Variants in CCDC60 observed in about 807,000 individuals in gnomAD.
The protein encoded by CCDC60 is coiled-coil domain-containing protein 60.
CCDC60 carries 54 observed loss-of-function variants against 63.5 expected under a neutral mutation model. That is an observed-to-expected ratio of 0.85 (90% CI 0.68 to 1.07). The LOEUF (loss-of-function observed/expected upper bound fraction) is 1.07. Ranked by LOEUF, CCDC60 falls within the 50% of genes least tolerant of loss-of-function variation. The pLI is 0.00. For missense variants in CCDC60, 651 were observed against 684.3 expected, an observed-to-expected ratio of 0.95 and a Z score of 0.54; for synonymous variants, 206 against 238.8, an observed-to-expected ratio of 0.86 and a Z score of 1.27.
At chr12:119,482,159 TAC>T (rs142480132) in intron 4 of CCDC60, among the ~76,000 whole-genome samples, 28 of 145,284 alleles carry the variant, frequency 1.9e-4, no homozygotes, top group African/African-American at 2.3e-4. Flanking sequence ...CACACACACA[TAC>T]ACACACACAC....
intron 2 of CCDC60, among the ~76,000 whole-genome samples, chr12:119,469,729 T>TA (rs1951020558): frequency 6.6e-6 from 1 of 152,208 alleles, no homozygotes; most frequent in East Asian, 1.9e-4. Flanking sequence ...AACTGCCACG[T>TA]AGCTGGCAGT....
chr12:119,417,118 C>T (rs1469792635), intron 1 of CCDC60, among the ~76,000 whole-genome samples: 1 of 151,918 alleles, frequency 6.6e-6, no homozygotes, highest in East Asian at 1.9e-4. Flanking sequence ...GAAACTCTGT[C>T]TAAAAAAAAG....
intron 1 of CCDC60, among the ~76,000 whole-genome samples, chr12:119,394,583 A>G (rs557105978): frequency 2.0e-5 from 3 of 152,292 alleles, no homozygotes; most frequent in African/African-American, 7.2e-5. Flanking sequence ...TGCACAGAAA[A>G]CAGTAATTCT....
chr12:119,389,482 G>A (rs1301674903), intron 1 of CCDC60, among the ~76,000 whole-genome samples: 1 of 152,036 alleles, frequency 6.6e-6, no homozygotes, highest in Non-Finnish European at 1.5e-5. Flanking sequence ...CCCCTGTGGT[G>A]CCAGCAGGGT....
At position 119,334,968 on chromosome 12, in the gene CCDC60, C is replaced by T. The variant is rs548236506; in HGVS notation, c.-209C>T. On this transcript the variant is annotated 5_prime_UTR_variant, in exon 1 of 14. Transcript: ENST00000327554. ...TAAGTCCAGGCTTGCCTGATTCTGC[C>T]CTACCCGGACTTCCTTATCCCGTCT... The T allele has an allele frequency of 2.2e-6, 1 of 452,862 alleles. No individual in the cohort carries two copies. The highest frequency in any genetic ancestry group is 3.9e-6 in the Non-Finnish European group (1 of 256,848). The allele number at this position is 452,862 out of a possible 1,614,324, so 28.1% of individuals were successfully genotyped here. A position where few individuals can be genotyped will look rare whatever the true frequency, so the allele number is the denominator to read the frequency against.
chr12:119,463,885 C>T (rs374586058), intron 2 of CCDC60, among the ~76,000 whole-genome samples: 4 of 152,156 alleles, frequency 2.6e-5, no homozygotes, highest in Non-Finnish European at 5.9e-5. Context: ...GTAAAGGAGT[C>T]GAGAGGCAGG....
At chr12:119,389,043 T>C (rs553066754) in intron 1 of CCDC60, among the ~76,000 whole-genome samples, 1 of 152,332 alleles carries the variant, frequency 6.6e-6, no homozygotes, top group South Asian at 2.1e-4. Context: ...GTCCCCTTTC[T>C]TGGCTCTTCC....
At position 119,387,032 on chromosome 12, in the gene CCDC60, TCTCACACACACA is replaced by T. The variant is rs755682904; in HGVS notation, c.91-41649_91-41638del. The stretch of plus-strand genomic sequence containing the variant: ...CTCTCCCTCCCTCCCCCTCTGTCTC[TCTCACACACACA>T]CACACACACACACACACACACACAC... On this transcript the variant is annotated intron_variant, in intron 1 of 13. Coordinates refer to ENST00000327554, the MANE Select transcript of CCDC60 (RefSeq NM_178499.5). 9.4e-3 allele frequency among the ~76,000 whole-genome samples: 1,132 copies of T among 120,254 alleles called. 20 individuals carry two copies. Among genetic ancestry groups the T allele is most frequent in the African/African-American group, 0.036 (1,030 of 28,484 alleles). The allele number at this position is 120,254 out of a possible 152,430, so 78.9% of individuals were successfully genotyped here.
chr12:119,431,844 A>AATT (rs1473561962), intron 2 of CCDC60, among the ~76,000 whole-genome samples: 1 of 151,976 alleles, frequency 6.6e-6, no homozygotes, highest in Admixed American at 6.6e-5. Flanking sequence ...ACGCCTGGCT[A>AATT]ATTTTTTTGT....
intron 1 of CCDC60, 58 bp from the exon 2 acceptor site, chr12:119,428,625 C>T: frequency 8.3e-7 from 1 of 1,204,618 alleles, no homozygotes; most frequent in East Asian, 2.5e-5. Context: ...GTGCCTATCT[C>T]CATTTGGAAG....
chr12:119,471,646 C>T (rs2136326500), intron 2 of CCDC60, among the ~76,000 whole-genome samples: 1 of 152,312 alleles, frequency 6.6e-6, no homozygotes, highest in South Asian at 2.1e-4. Flanking sequence ...ATCCAGAATT[C>T]AAACTCAGGT....
intron 1 of CCDC60, among the ~76,000 whole-genome samples, chr12:119,337,937 T>TAG (rs1007622626): frequency 9.2e-5 from 14 of 151,556 alleles, no homozygotes; most frequent in African/African-American, 3.4e-4. Context: ...CATCCTACCA[T>TAG]AGAGAGATGT....
At chr12:119,424,904 G>C (rs1216473363) in intron 1 of CCDC60, among the ~76,000 whole-genome samples, 1 of 152,090 alleles carries the variant, frequency 6.6e-6, no homozygotes, top group Non-Finnish European at 1.5e-5. Context: ...TGCTGCTAAA[G>C]TCGGTGTCAA....
intron 2 of CCDC60, among the ~76,000 whole-genome samples, chr12:119,447,374 G>T (rs2136275089): frequency 6.6e-6 from 1 of 152,280 alleles, no homozygotes; most frequent in Middle Eastern, 3.4e-3. Flanking sequence ...GGAGTTGTGG[G>T]TCTCCAGCGA....
At chr12:119,394,452 C>T (rs1324339481) in intron 1 of CCDC60, among the ~76,000 whole-genome samples, 1 of 152,202 alleles carries the variant, frequency 6.6e-6, no homozygotes, top group East Asian at 1.9e-4. Context: ...TGTGGTAGTC[C>T]AGGCAAGGAC....
intron 2 of CCDC60, among the ~76,000 whole-genome samples, chr12:119,439,584 A>G (rs923780096): frequency 3.3e-5 from 5 of 152,230 alleles, no homozygotes; most frequent in Admixed American, 1.3e-4. Context: ...AAAGAGACCA[A>G]TTAGATTTTA....
intron 13 of CCDC60, among the ~76,000 whole-genome samples, chr12:119,539,038 G>T (rs1219896844): frequency 6.6e-6 from 1 of 152,236 alleles, no homozygotes; most frequent in Non-Finnish European, 1.5e-5. Flanking sequence ...GAACAGCAAA[G>T]ATTGCTGCCT....
At chr12:119,371,055 AG>A (rs964649875) in intron 1 of CCDC60, among the ~76,000 whole-genome samples, 2 of 152,128 alleles carry the variant, frequency 1.3e-5, no homozygotes, top group South Asian at 2.1e-4. Context: ...AAAATAAAAT[AG>A]TAGCTTTTTA....
At chr12:119,394,543 A>C (rs1169944740) in intron 1 of CCDC60, among the ~76,000 whole-genome samples, 1 of 152,188 alleles carries the variant, frequency 6.6e-6, no homozygotes, top group African/African-American at 2.4e-5. Context: ...TGCACTTTCT[A>C]GTTACTCCCA....
Sources: allele counts gnomAD v4.1 joint callset (sites outside exome capture counted in the v4.1 genomes callset), GRCh38; gene constraint gnomAD v4.1.1; transcripts MANE v1.5; gene names NCBI Gene and HGNC (gene_info 2026-07-23, HGNC 2026-07-21).